The following PTPRD variants were observed in gnomAD, a reference collection of about 807,000 sequenced individuals.
The protein encoded by PTPRD is receptor-type tyrosine-protein phosphatase delta.
PTPRD carries 34 observed loss-of-function variants against 214.5 expected under a neutral mutation model. The observed-to-expected ratio is 0.16, with a 90% CI of 0.12 to 0.21. The LOEUF is 0.21. Ranked by LOEUF, PTPRD falls within the 10% of genes least tolerant of loss-of-function variation. The probability of loss-of-function intolerance (pLI) is 1.00; values close to 1 mark genes in which losing one functional copy is unlikely to be tolerated. For missense variants in PTPRD, 2,545 were observed against 2,398.7 expected (o/e 1.06, Z -1.27); for synonymous variants, 1,128 against 845.7 (o/e 1.33, Z -5.79).
At chr9:9,749,277 A>G (rs1056437355) in intron 6 of PTPRD, among the ~76,000 whole-genome samples, 1 of 152,152 alleles carries the variant, frequency 6.6e-6, no homozygotes, top group Non-Finnish European at 1.5e-5. Flanking sequence ...GTTCAGCTGC[A>G]CCAATTATCA....
At chr9:9,536,369 T>C (rs828824) in intron 8 of PTPRD, among the ~76,000 whole-genome samples, 21,072 of 151,942 alleles carry the variant, frequency 0.14, 1,478 homozygotes, top group East Asian at 0.17. Context: ...TGTAAGATTC[T>C]TTCTTTAAAA....
intron 8 of PTPRD, among the ~76,000 whole-genome samples, chr9:9,399,950 T>C (rs760300742): frequency 1.3e-5 from 2 of 152,076 alleles, no homozygotes; most frequent in Non-Finnish European, 2.9e-5. Context: ...ATGTTCTAAA[T>C]AGAATAATCA....
rs2097380045 is a variant in PTPRD, at chr9:8,500,618, T to C, written c.2128+136A>G. On this transcript the variant is annotated intron_variant, in intron 24 of 45. Coordinates refer to ENST00000381196, the MANE Select transcript of PTPRD (RefSeq NM_002839.4). ...CCAGGCTGTAGCAAAGACAAGTCTT[T>C]GGCAAAAATACTAAAGTAACAGCAA... 6 of 493,960 alleles carry C rather than the reference T, an allele frequency of 1.2e-5. No homozygotes were observed. The East Asian group carries it at 2.0e-4, about 17-fold the overall frequency. The allele number at this position is 493,960 out of a possible 1,614,324, so 30.6% of individuals were successfully genotyped here.
chr9:9,060,050 G>C (rs1016560910), intron 10 of PTPRD, among the ~76,000 whole-genome samples: 1 of 152,154 alleles, frequency 6.6e-6, no homozygotes, highest in Non-Finnish European at 1.5e-5. Flanking sequence ...GTTGGCACTT[G>C]ATAAGTTGAC....
intron 3 of PTPRD, among the ~76,000 whole-genome samples, chr9:10,149,889 C>A (rs991278146): frequency 1.6e-4 from 25 of 151,962 alleles, no homozygotes; most frequent in African/African-American, 6.0e-4. Context: ...TGCCACAACA[C>A]CCAGCTAATT....
At chr9:8,386,308 C>A (rs551534912) in intron 37 of PTPRD, among the ~76,000 whole-genome samples, 1 of 152,136 alleles carries the variant, frequency 6.6e-6, no homozygotes, top group African/African-American at 2.4e-5. Flanking sequence ...TGCAGTCCTG[C>A]GTAATATCAA....
rs114148551 is a variant in PTPRD, at chr9:10,516,267, T to G, written c.-600+96131A>C. ...TTTTTAAAAAAAATAATAGTCATCCTAACTGGCATGAGGTGATATCTCATT... is the reference window on the plus strand; with the variant it reads ...TTTTTAAAAAAAATAATAGTCATCCGAACTGGCATGAGGTGATATCTCATT... On this transcript the variant is annotated intron_variant, in intron 2 of 45. Transcript: ENST00000381196. Among the ~76,000 whole-genome samples, 153 of 152,064 alleles carry G rather than the reference T, an allele frequency of 1.0e-3. 1 individual carries two copies. The highest frequency in any genetic ancestry group is 3.3e-3 in the African/African-American group (136 of 41,558).
intron 2 of PTPRD, among the ~76,000 whole-genome samples, chr9:10,573,295 C>A (rs1459499915): frequency 6.6e-6 from 1 of 151,858 alleles, no homozygotes; most frequent in Non-Finnish European, 1.5e-5. Flanking sequence ...TTATTTAATC[C>A]CAATAAATCT....
chr9:8,832,844 A>C (rs1336633962), intron 11 of PTPRD, among the ~76,000 whole-genome samples: 2 of 151,724 alleles, frequency 1.3e-5, no homozygotes, highest in Non-Finnish European at 2.9e-5. Flanking sequence ...ATGAGGCTTC[A>C]TTTTTTCATA....
chr9:8,967,521 C>T (rs2099204963), intron 11 of PTPRD, among the ~76,000 whole-genome samples: 1 of 151,984 alleles, frequency 6.6e-6, no homozygotes, highest in Non-Finnish European at 1.5e-5. Flanking sequence ...TCCTTTGCAA[C>T]AACATAGATG....
At chr9:9,278,946 C>A (rs1166864084) in intron 9 of PTPRD, among the ~76,000 whole-genome samples, 1 of 151,204 alleles carries the variant, frequency 6.6e-6, no homozygotes, top group Non-Finnish European at 1.5e-5. Flanking sequence ...CATCTCTTTT[C>A]TCTGCTCATT....
chr9:9,728,129 T>G (rs1045057168), intron 7 of PTPRD, among the ~76,000 whole-genome samples: 3 of 152,134 alleles, frequency 2.0e-5, no homozygotes, highest in African/African-American at 7.2e-5. Context: ...CCTACCACCA[T>G]GTAAGATGTG....
chr9:8,550,620 AAAG>A (rs1472719033), intron 14 of PTPRD, among the ~76,000 whole-genome samples: 1 of 152,226 alleles, frequency 6.6e-6, no homozygotes, highest in Non-Finnish European at 1.5e-5. Flanking sequence ...GCAACAAATT[AAAG>A]AAGAGATCAT....
intron 3 of PTPRD, among the ~76,000 whole-genome samples, chr9:10,188,519 A>C (rs2099348034): frequency 6.6e-6 from 1 of 151,960 alleles, no homozygotes; most frequent in Non-Finnish European, 1.5e-5. Context: ...TCTTGGAAAT[A>C]ACTAGCTTTT....
At chr9:9,751,332 G>C (rs192920199) in intron 6 of PTPRD, among the ~76,000 whole-genome samples, 77 of 152,160 alleles carry the variant, frequency 5.1e-4, no homozygotes, top group African/African-American at 1.6e-3. Flanking sequence ...CCAACAAGTG[G>C]ATATGAAGTC....
intron 30 of PTPRD, among the ~76,000 whole-genome samples, chr9:8,483,073 G>C (rs1240158063): frequency 6.6e-6 from 1 of 152,146 alleles, no homozygotes; most frequent in African/African-American, 2.4e-5. Flanking sequence ...GTCTACCACA[G>C]TACTTGTAGT....
chr9:10,595,510 T>G (rs1465533970), intron 2 of PTPRD, among the ~76,000 whole-genome samples: 1 of 151,772 alleles, frequency 6.6e-6, no homozygotes, highest in Non-Finnish European at 1.5e-5. Context: ...CCAAATAGGC[T>G]AATCTTCCAT....
At chr9:9,656,983 A>G (rs2096531136) in intron 7 of PTPRD, among the ~76,000 whole-genome samples, 2 of 152,162 alleles carry the variant, frequency 1.3e-5, no homozygotes, top group Admixed American at 6.5e-5. Flanking sequence ...AAATGAGAAG[A>G]CAAAAGTATG....
At chr9:10,382,973 G>T (rs1363065523) in intron 2 of PTPRD, among the ~76,000 whole-genome samples, 2 of 151,750 alleles carry the variant, frequency 1.3e-5, no homozygotes, top group East Asian at 3.9e-4. Context: ...TGAATGAGTT[G>T]GAAAGTGACA....
Sources: gnomAD v4.1 joint callset for allele counts (sites outside exome capture counted in the v4.1 genomes callset) on GRCh38, gnomAD v4.1.1 for gene constraint, MANE v1.5 for transcripts, NCBI Gene and HGNC (gene_info 2026-07-23, HGNC 2026-07-21) for gene names.